STAU2: variants seen among roughly 807,000 people sequenced by gnomAD.
STAU2 encodes double-stranded RNA-binding protein Staufen homolog 2.
STAU2 carries 20 observed loss-of-function variants against 65.9 expected under a neutral mutation model. That is an observed-to-expected ratio of 0.30 (90% CI 0.21 to 0.44). The LOEUF is 0.44. STAU2 is among the 20% of genes least tolerant of loss of function. The probability of loss-of-function intolerance (pLI) is 1.00; values close to 1 mark genes in which losing one functional copy is unlikely to be tolerated. For synonymous variants in STAU2, 232 were observed against 233.9 expected (o/e 0.99, Z 0.07); for missense variants, 558 against 683.9 (o/e 0.82, Z 2.05).
At chr8:73,503,533 C>T (rs1821877459) in intron 13 of STAU2, among the ~76,000 whole-genome samples, 1 of 150,042 alleles carries the variant, frequency 6.7e-6, no homozygotes, top group Non-Finnish European at 1.5e-5. Context: ...CACTCAAATG[C>T]CTTGATTCTT....
chr8:73,576,828 G>A (rs1048358629), intron 12 of STAU2, among the ~76,000 whole-genome samples: 7 of 152,040 alleles, frequency 4.6e-5, no homozygotes, highest in African/African-American at 1.7e-4. Context: ...TATGCTTACT[G>A]TAAAGTTTCT....
rs527511545 is a variant in STAU2 at position 73,577,204 on chromosome 8, A to G, written c.1222+5566T>C. On this transcript the variant is annotated intron_variant, in intron 12 of 14. Coordinates refer to ENST00000524300, the MANE Select transcript of STAU2 (RefSeq NM_001164380.2). Reference sequence around the variant, plus strand: ...AGCACTTTGGGAGGCCAAGGTGGGCAGATCACAAGGTCAGGAGATCGAGAC... The same window carrying G: ...AGCACTTTGGGAGGCCAAGGTGGGCGGATCACAAGGTCAGGAGATCGAGAC... Among the ~76,000 whole-genome samples the G allele has an allele frequency of 8.5e-4, 129 of 152,236 alleles. No homozygotes were observed. In the East Asian group the frequency reaches 0.019, roughly 22 times the overall value.
intron 12 of STAU2, among the ~76,000 whole-genome samples, chr8:73,568,115 T>C (rs1314393308): frequency 6.6e-6 from 1 of 152,188 alleles, no homozygotes; most frequent in East Asian, 1.9e-4. Flanking sequence ...GTTGCTTATT[T>C]TAGTGCTTCA....
At chr8:73,654,780 G>A (rs952813504) in intron 6 of STAU2, among the ~76,000 whole-genome samples, 6 of 125,484 alleles carry the variant, frequency 4.8e-5, no homozygotes, top group East Asian at 2.8e-4. Context: ...TCCGCCTCCC[G>A]GGTTCACGCC....
At chr8:73,579,937 T>C (rs1809859725) in intron 12 of STAU2, among the ~76,000 whole-genome samples, 1 of 152,224 alleles carries the variant, frequency 6.6e-6, no homozygotes, top group Non-Finnish European at 1.5e-5. Flanking sequence ...TTCCTATGAC[T>C]GTAATCTTTT....
chr8:73,446,444 C>T (rs1249781421), intron 13 of STAU2, among the ~76,000 whole-genome samples: 1 of 152,188 alleles, frequency 6.6e-6, no homozygotes, highest in Non-Finnish European at 1.5e-5. Flanking sequence ...TAATATGGAT[C>T]TCCAGGTTTT....
chr8:73,542,056 TA>T (rs1198653921), intron 13 of STAU2, among the ~76,000 whole-genome samples: 1 of 147,640 alleles, frequency 6.8e-6, no homozygotes, highest in Middle Eastern at 3.3e-3. Flanking sequence ...AAATGGTTAA[TA>T]AAAAACACCA....
chr8:73,466,676 C>A (rs1819672743), intron 13 of STAU2, among the ~76,000 whole-genome samples: 1 of 152,246 alleles, frequency 6.6e-6, no homozygotes, highest in Non-Finnish European at 1.5e-5. Flanking sequence ...TCAGCCTCCA[C>A]TGGAATCCCA....
At chr8:73,672,179 AC>A (rs1817731671) in intron 6 of STAU2, 2 of 152,200 alleles carry the variant, frequency 1.3e-5, no homozygotes, top group South Asian at 4.1e-4. Flanking sequence ...AAAGGGCAAA[AC>A]CCAGATATAA....
At chr8:73,638,229 A>G (rs941722258) in intron 6 of STAU2, among the ~76,000 whole-genome samples, 1 of 151,842 alleles carries the variant, frequency 6.6e-6, no homozygotes, top group Non-Finnish European at 1.5e-5. Flanking sequence ...AATACAAAAA[A>G]TTAAATACCC....
intron 3 of STAU2, among the ~76,000 whole-genome samples, chr8:73,716,382 G>A (rs553133546): frequency 1.0e-3 from 153 of 152,308 alleles, no homozygotes; most frequent in Non-Finnish European, 1.7e-3. Context: ...GAGCCACTGC[G>A]CCCGGCCAGA....
chr8:73,586,317 G>A (rs1810364032), intron 11 of STAU2, among the ~76,000 whole-genome samples: 1 of 152,094 alleles, frequency 6.6e-6, no homozygotes, highest in African/African-American at 2.4e-5. Context: ...TCCTGGAAGG[G>A]GCTGAAACAG....
intron 11 of STAU2, among the ~76,000 whole-genome samples, chr8:73,591,915 C>CAAAAAAA (rs1810838575): frequency 2.3e-5 from 1 of 43,596 alleles, no homozygotes; most frequent in African/African-American, 7.2e-5. Context: ...AAAAAAAAAA[C>CAAAAAAA]AAGAGAGAGA....
At chr8:73,635,760 G>T (rs1293356003) in intron 6 of STAU2, among the ~76,000 whole-genome samples, 1 of 151,998 alleles carries the variant, frequency 6.6e-6, no homozygotes, top group Non-Finnish European at 1.5e-5. Context: ...AGGAGGCAGA[G>T]GTTGCAGTGA....
rs117195133 is a variant in STAU2 at position 73,489,735 on chromosome 8, T to G, written c.1530+62277A>C. 4.8e-3 allele frequency among the ~76,000 whole-genome samples: 727 copies of G among 152,160 alleles called. 6 individuals are homozygous for G. The highest frequency in any genetic ancestry group is 2.6e-3 in the Non-Finnish European group (176 of 67,982). ...AGATTTGCCGTTACATAACTGAAAT[T>G]CAGATAGCTCTGAATTCAAAGGTGG... On this transcript the variant is annotated intron_variant, in intron 13 of 14. Coordinates refer to ENST00000524300, the MANE Select transcript of STAU2 (RefSeq NM_001164380.2).
intron 13 of STAU2, chr8:73,527,740 T>C: frequency 2.0e-6 from 3 of 1,536,772 alleles, no homozygotes; most frequent in Non-Finnish European, 2.6e-6. Context: ...GAAAGTCATC[T>C]GCACAGGGGC....
intron 6 of STAU2, among the ~76,000 whole-genome samples, chr8:73,624,656 C>T (rs1813505593): frequency 6.6e-6 from 1 of 152,166 alleles, no homozygotes; most frequent in Non-Finnish European, 1.5e-5. Context: ...AGTCTCACTC[C>T]AGAACCCATG....
chr8:73,671,843 T>C (rs1817701431), intron 6 of STAU2, among the ~76,000 whole-genome samples: 1 of 152,010 alleles, frequency 6.6e-6, no homozygotes, highest in African/African-American at 2.4e-5. Flanking sequence ...CTGGCCAACA[T>C]AGTGAAACCC....
chr8:73,721,680 T>A (rs552078000), intron 3 of STAU2, among the ~76,000 whole-genome samples: 1 of 152,328 alleles, frequency 6.6e-6, no homozygotes, highest in Non-Finnish European at 1.5e-5. Context: ...TCCCTGGAAA[T>A]ATTCCTTGCT....
Sources: allele counts gnomAD v4.1 joint callset (sites outside exome capture counted in the v4.1 genomes callset), GRCh38; gene constraint gnomAD v4.1.1; transcripts MANE v1.5; gene names NCBI Gene and HGNC (gene_info 2026-07-23, HGNC 2026-07-21).